TRMT11: variants seen among roughly 807,000 people sequenced by gnomAD.
TRMT11 encodes tRNA (guanine(10)-N(2))-methyltransferase TRMT11.
TRMT11 carries 53 observed loss-of-function variants against 62.8 expected under a neutral mutation model. The observed-to-expected ratio is 0.84, with a 90% confidence interval of 0.68 to 1.06. TRMT11 has a LOEUF of 1.06. Ranked by LOEUF, TRMT11 falls within the 50% of genes least tolerant of loss-of-function variation. TRMT11 has a pLI of 0.00. For missense variants in TRMT11, 556 were observed against 553.4 expected, an observed-to-expected ratio of 1.00 and a Z score of -0.05; for synonymous variants, 188 against 190.3, an observed-to-expected ratio of 0.99 and a Z score of 0.10.
At chr6:126,236,794 G>T in the TRMT11 span, among the ~76,000 whole-genome samples, 1 of 152,140 alleles carries the variant, frequency 6.6e-6, no homozygotes, top group African/African-American at 2.4e-5. Flanking sequence ...TTGGGGAGGG[G>T]ATACGTGTGG....
At chr6:126,056,676 CTATTACTTCAGGACTGA>C (rs1776383866) in intron 17 of TRMT11, among the ~76,000 whole-genome samples, 1 of 152,142 alleles carries the variant, frequency 6.6e-6, no homozygotes, top group Non-Finnish European at 1.5e-5. Flanking sequence ...TGCTGTAAGG[CTATTACTTCAGGACTGA>C]TGTCACCATC....
intron 7 of TRMT11, among the ~76,000 whole-genome samples, chr6:126,002,913 T>C (rs1384146788): frequency 6.6e-6 from 1 of 152,170 alleles, no homozygotes; most frequent in African/African-American, 2.4e-5. Context: ...AAAGGTATCA[T>C]ACTGTGTGTG....
At chr6:126,005,344 A>G (rs1207329561) in intron 7 of TRMT11, among the ~76,000 whole-genome samples, 3 of 152,074 alleles carry the variant, frequency 2.0e-5, no homozygotes, top group Non-Finnish European at 4.4e-5. Context: ...AATAGAGCAA[A>G]GTTTAAATCT....
chr6:126,260,480 G>A, the TRMT11 span, among the ~76,000 whole-genome samples: 1 of 152,078 alleles, frequency 6.6e-6, no homozygotes, highest in African/African-American at 2.4e-5. Flanking sequence ...TTATATCACT[G>A]TGATATTCTG....
intron 11 of TRMT11, among the ~76,000 whole-genome samples, chr6:126,016,701 A>ATTTT (rs11424732): frequency 7.5e-5 from 11 of 146,928 alleles, no homozygotes; most frequent in Middle Eastern, 7.2e-3. Flanking sequence ...TGTTTTAGGG[A>ATTTT]TTTTTTTTTT....
intron 17 of TRMT11, among the ~76,000 whole-genome samples, chr6:126,056,660 A>G (rs146249380): frequency 1.2e-4 from 19 of 152,294 alleles, no homozygotes; most frequent in African/African-American, 4.3e-4. Flanking sequence ...GGGAGAAAAT[A>G]CAGACTGCTG....
chr6:126,032,733 T>C (rs1326284675), intron 12 of TRMT11, among the ~76,000 whole-genome samples: 1 of 152,198 alleles, frequency 6.6e-6, no homozygotes, highest in Non-Finnish European at 1.5e-5. Flanking sequence ...CCCACCACTG[T>C]ACGTACAAGC....
At chr6:126,105,789 A>T (rs532649666) in intron 17 of TRMT11, among the ~76,000 whole-genome samples, 1 of 152,296 alleles carries the variant, frequency 6.6e-6, no homozygotes, top group South Asian at 2.1e-4. Context: ...ACCATGTAAA[A>T]GAGCAAAGTA....
At chr6:125,988,644 A>G (rs749227486) in intron 1 of TRMT11, among the ~76,000 whole-genome samples, 3 of 152,214 alleles carry the variant, frequency 2.0e-5, no homozygotes, top group Non-Finnish European at 2.9e-5. Context: ...AACTGAGACA[A>G]ATAGTAAAAC....
chr6:126,254,981 T>C, the TRMT11 span, among the ~76,000 whole-genome samples: 2 of 152,220 alleles, frequency 1.3e-5, no homozygotes, highest in Non-Finnish European at 2.9e-5. Flanking sequence ...CATGTTCATA[T>C]GATCATAAAT....
chr6:126,026,507 C>T (rs2128014020), intron 12 of TRMT11, among the ~76,000 whole-genome samples: 1 of 152,102 alleles, frequency 6.6e-6, no homozygotes, highest in African/African-American at 2.4e-5. Context: ...TTGCCTCAGC[C>T]TCCCGAGTAG....
At chr6:126,162,382 T>G (rs1778201382) in intron 21 of TRMT11, among the ~76,000 whole-genome samples, 1 of 152,112 alleles carries the variant, frequency 6.6e-6, no homozygotes, top group African/African-American at 2.4e-5. Flanking sequence ...AGATGTGTGG[T>G]GTTATTTTCG....
intron 21 of TRMT11, among the ~76,000 whole-genome samples, chr6:126,144,841 A>T (rs983011345): frequency 2.0e-5 from 3 of 152,220 alleles, no homozygotes; most frequent in Non-Finnish European, 4.4e-5. Context: ...GAAAAAAGCC[A>T]AATTCCTACA....
intron 17 of TRMT11, among the ~76,000 whole-genome samples, chr6:126,061,814 C>T (rs1048397314): frequency 1.3e-5 from 2 of 152,146 alleles, no homozygotes; most frequent in African/African-American, 4.8e-5. Context: ...TGCCTCAATC[C>T]CAGAGCTTCT....
At chr6:126,005,389 C>T (rs1234106538) in intron 7 of TRMT11, among the ~76,000 whole-genome samples, 1 of 151,990 alleles carries the variant, frequency 6.6e-6, no homozygotes, top group Non-Finnish European at 1.5e-5. Context: ...GGGCAAGATT[C>T]TTAACTTGTC....
At chr6:125,996,282 C>CG (rs1791496113) in intron 3 of TRMT11, among the ~76,000 whole-genome samples, 2 of 152,106 alleles carry the variant, frequency 1.3e-5, no homozygotes, top group African/African-American at 4.8e-5. Flanking sequence ...CCGTATTATG[C>CG]GGGAGTATAG....
upstream of TRMT11, among the ~76,000 whole-genome samples, chr6:126,172,930 A>C (rs957550226): frequency 3.9e-5 from 6 of 152,218 alleles, no homozygotes; most frequent in African/African-American, 1.4e-4. Flanking sequence ...AAATGTGGGA[A>C]GAGTCAGGAA....
chr6:126,040,378 T>G (rs527660457), downstream of TRMT11, among the ~76,000 whole-genome samples: 5 of 152,254 alleles, frequency 3.3e-5, no homozygotes, highest in African/African-American at 1.2e-4. Context: ...AGTTTCCCAT[T>G]CCTGAAATGT....
intron 1 of TRMT11, among the ~76,000 whole-genome samples, chr6:126,194,818 A>G (rs1280485353): frequency 1.3e-5 from 2 of 152,220 alleles, no homozygotes; most frequent in Non-Finnish European, 2.9e-5. Context: ...TATCACCTGC[A>G]GTACTTAAAA....
Sources: allele counts gnomAD v4.1 joint callset (sites outside exome capture counted in the v4.1 genomes callset), GRCh38; gene constraint gnomAD v4.1.1; transcripts MANE v1.5; gene names NCBI Gene and HGNC (gene_info 2026-07-23, HGNC 2026-07-21).